The following CLIP4 variants were observed in gnomAD, a reference collection of about 807,000 sequenced individuals.
CLIP4 encodes the protein CAP-Gly domain containing linker protein family member 4, also known as CAP-Gly domain-containing linker protein 4.
A neutral mutation model predicts 73.1 loss-of-function variants in CLIP4; 47 were observed. The ratio of observed to expected loss-of-function variants is 0.64; its 90% CI spans 0.51 to 0.82. The LOEUF is 0.82. Ranked by LOEUF, CLIP4 falls within the 40% of genes least tolerant of loss-of-function variation. CLIP4 has a pLI of 0.00. For synonymous variants in CLIP4, 306 were observed against 295.4 expected, an observed-to-expected ratio of 1.04 and a Z score of -0.37; for missense variants, 874 against 852.9, an observed-to-expected ratio of 1.02 and a Z score of -0.31.
At chr2:29,165,648 C>T (rs1046769428) in intron 13 of CLIP4, among the ~76,000 whole-genome samples, 1 of 152,202 alleles carries the variant, frequency 6.6e-6, no homozygotes, top group African/African-American at 2.4e-5. Context: ...GGCATATCTT[C>T]ATCAAAACAT....
rs1323657149 is a variant in CLIP4 at position 29,115,633 on chromosome 2, G to C, written c.-48G>C. ...TTTCCTCCGCGCCCCCGCGTCCCCAGCCGGCCGCTCCGAGAGGACCCGGAG... is the reference window on the plus strand; with the variant it reads ...TTTCCTCCGCGCCCCCGCGTCCCCACCCGGCCGCTCCGAGAGGACCCGGAG... On this transcript the variant is annotated 5_prime_UTR_variant, in exon 1 of 16. Coordinates refer to ENST00000320081, the MANE Select transcript of CLIP4 (RefSeq NM_024692.6). This position sits in a 1 kb window ranked among gnomAD's most constrained non-coding sequence, Gnocchi z 5.1. 2 of 147,272 alleles carry C rather than the reference G, an allele frequency of 1.4e-5. No individual in the cohort carries two copies. The highest frequency in any genetic ancestry group is 4.9e-5 in the African/African-American group (2 of 40,884). 9.1% of individuals were successfully genotyped at this position (147,272 alleles called of 1,614,324 possible). A position where few individuals can be genotyped will look rare whatever the true frequency, so the allele number is the denominator to read the frequency against.
At chr2:29,180,929 G>A (rs866398197) in intron 15 of CLIP4, among the ~76,000 whole-genome samples, 7 of 151,990 alleles carry the variant, frequency 4.6e-5, no homozygotes, top group East Asian at 1.9e-4. Flanking sequence ...TTAAAATAGC[G>A]CAAAAGACAA....
At chr2:29,164,188 T>C (rs78898088) in intron 13 of CLIP4, among the ~76,000 whole-genome samples, 1,707 of 152,324 alleles carry the variant, frequency 0.011, 34 homozygotes, top group African/African-American at 0.04. Context: ...CCTATGAGTA[T>C]GTGTAGGCTA....
intron 3 of CLIP4, chr2:29,131,788 G>A (rs1664989140): frequency 4.1e-6 from 1 of 245,552 alleles, no homozygotes; most frequent in Non-Finnish European, 7.7e-6. Context: ...GATTTTTTGA[G>A]GGAGGGTTCC....
intron 1 of CLIP4, among the ~76,000 whole-genome samples, chr2:29,107,266 G>A (rs1052201787): frequency 6.7e-6 from 1 of 149,304 alleles, no homozygotes; most frequent in Non-Finnish European, 1.5e-5. Flanking sequence ...TGGTACTTTA[G>A]CAATATGTAA....
intron 15 of CLIP4, among the ~76,000 whole-genome samples, chr2:29,177,166 T>A (rs1668393040): frequency 6.6e-6 from 1 of 152,090 alleles, no homozygotes; most frequent in Non-Finnish European, 1.5e-5. Flanking sequence ...CTCAACACTT[T>A]GGGAGGCTGA....
intron 15 of CLIP4, chr2:29,174,700 G>A (rs1263653830): frequency 1.6e-5 from 18 of 1,107,596 alleles, no homozygotes; most frequent in Non-Finnish European, 2.0e-5. Context: ...GTTAATAAAA[G>A]TTAAAGGAAT....
intron 14 of CLIP4, among the ~76,000 whole-genome samples, chr2:29,171,578 G>A (rs1668005175): frequency 6.6e-6 from 1 of 151,008 alleles, no homozygotes; most frequent in Non-Finnish European, 1.5e-5. Context: ...GAGTGCAGTG[G>A]CACGATCTTG....
In CLIP4 at chr2:29,183,628, A is replaced by C. The variant is rs1216030578; in HGVS notation, c.*1735A>C. ...AATGCCAACATTGAATTTATTTTTGAGGTCAAAGAACCAGTTGTTCTCTTT... is the reference window on the plus strand; with the variant it reads ...AATGCCAACATTGAATTTATTTTTGCGGTCAAAGAACCAGTTGTTCTCTTT... On this transcript the variant is annotated 3_prime_UTR_variant, in exon 16 of 16. Coordinates refer to ENST00000320081, the MANE Select transcript of CLIP4 (RefSeq NM_024692.6). 4 of 152,648 alleles carry C rather than the reference A, an allele frequency of 2.6e-5. No homozygotes were observed. The highest frequency in any genetic ancestry group is 2.0e-4 in the Admixed American group (3 of 15,288). The allele number at this position is 152,648 out of a possible 1,614,324, so 9.5% of individuals were successfully genotyped here.
chr2:29,179,976 C>T (rs1014487924), intron 15 of CLIP4, among the ~76,000 whole-genome samples: 2 of 152,100 alleles, frequency 1.3e-5, no homozygotes, highest in African/African-American at 4.8e-5. Flanking sequence ...AGTCATCTTC[C>T]TTTCTTATAG....
chr2:29,130,835 AAAC>A, intron 2 of CLIP4: 11 of 1,289,458 alleles, frequency 8.5e-6, no homozygotes, highest in Non-Finnish European at 1.1e-5. Flanking sequence ...AAAAACAAAA[AAAC>A]CTCAATGAGT....
Position 29,143,901 on chromosome 2 carries a change from C to G in CLIP4, c.841C>G (p.Leu281Val). The change falls in exon 7 of 16, where the codon CTT (leucine) becomes GTT (valine). Residue 281 changes from leucine (L) to valine (V), a missense_variant. Physicochemically the swap from Leu to Val is conservative, Grantham distance 32 (BLOSUM62 1). Transcript: ENST00000320081. The part of the protein sequence containing the change: ...HVTGKAMLTS[L>V]GLKLGDRVVI... Reference sequence around the variant, plus strand: ...CACTGGCAAGGCAATGCTTACGTCACTTGGCCTGAAGTTGGGGGATCGTGT... The same window carrying G: ...CACTGGCAAGGCAATGCTTACGTCAGTTGGCCTGAAGTTGGGGGATCGTGT... The G allele has an allele frequency of 6.2e-7, 1 of 1,614,170 alleles. No individual in the cohort carries two copies. The highest frequency in any genetic ancestry group is 8.5e-7 in the Non-Finnish European group (1 of 1,180,020).
chr2:29,123,478 G>T (rs562201409), intron 2 of CLIP4, among the ~76,000 whole-genome samples: 7 of 152,232 alleles, frequency 4.6e-5, no homozygotes, highest in Admixed American at 2.0e-4. Flanking sequence ...AAAGAAACAG[G>T]GTGCTGTGAT....
chr2:29,107,374 T>TTTG (rs1558505005), intron 1 of CLIP4, among the ~76,000 whole-genome samples: 2 of 122,392 alleles, frequency 1.6e-5, no homozygotes, highest in African/African-American at 6.5e-5. Flanking sequence ...TTTTTTTTTT[T>TTTG]TTTTTTTTTT....
At chr2:29,112,259 G>A (rs116832599), upstream of CLIP4, among the ~76,000 whole-genome samples, 3,560 of 152,188 alleles carry the variant, frequency 0.023, 116 homozygotes, top group East Asian at 0.092. Flanking sequence ...TATATATTTT[G>A]TAAGTTTGTT....
At chr2:29,149,410 CTT>C (rs71403647) in intron 8 of CLIP4, among the ~76,000 whole-genome samples, 299 of 138,304 alleles carry the variant, frequency 2.2e-3, no homozygotes, top group Non-Finnish European at 3.6e-3. Context: ...TTCTCCTTTT[CTT>C]TTTTTTTTTT....
intron 7 of CLIP4, 125 bp downstream of exon 7, chr2:29,144,070 T>A: frequency 1.4e-6 from 1 of 728,690 alleles, no homozygotes; most frequent in Non-Finnish European, 2.4e-6. Flanking sequence ...GAAAGATGCT[T>A]AATGGAAAAT....
At position 29,115,855 on chromosome 2, in the gene CLIP4, C is replaced by T. The variant is rs1047936160; in HGVS notation, c.-16+190C>T. Among the ~76,000 whole-genome samples the T allele has an allele frequency of 4.0e-5, 6 of 151,868 alleles. No homozygotes were observed. Among genetic ancestry groups the T allele is most frequent in the African/African-American group, 1.4e-4 (6 of 41,398 alleles). Reference sequence around the variant, plus strand: ...ACCGGTGTCGCTGGCCGCGGGGAGGCCTTCTCGGGGCGGAGCGGCCCACCC... The same window carrying T: ...ACCGGTGTCGCTGGCCGCGGGGAGGTCTTCTCGGGGCGGAGCGGCCCACCC... On this transcript the variant is annotated intron_variant, in intron 1 of 15. Transcript: ENST00000320081. The surrounding 1 kb of genome is among the most constrained non-coding windows in gnomAD (Gnocchi z 5.1).
At chr2:29,152,315 G>A (rs1666625980) in intron 8 of CLIP4, among the ~76,000 whole-genome samples, 1 of 151,972 alleles carries the variant, frequency 6.6e-6, no homozygotes, top group Non-Finnish European at 1.5e-5. Context: ...AAATACATAG[G>A]TTCAAATTTC....
Sources: allele counts gnomAD v4.1 joint callset (sites outside exome capture counted in the v4.1 genomes callset), GRCh38; gene constraint gnomAD v4.1.1; non-coding constraint Gnocchi (gnomAD v3.1); transcripts MANE v1.5; gene names NCBI Gene and HGNC (gene_info 2026-07-23, HGNC 2026-07-21).